The following PRKAG2 variants were observed in gnomAD, a reference collection of about 807,000 sequenced individuals.
PRKAG2 encodes the protein protein kinase AMP-activated non-catalytic subunit gamma 2, also known as 5'-AMP-activated protein kinase subunit gamma-2.
Under a neutral mutation model 69.6 loss-of-function variants are expected in PRKAG2, and 26 were observed. The ratio of observed to expected loss-of-function variants is 0.37; its 90% CI spans 0.27 to 0.52. PRKAG2 has a LOEUF of 0.52. PRKAG2 is among the 20% of genes least tolerant of loss of function. The pLI is 0.90. For synonymous variants in PRKAG2, 293 were observed against 285.0 expected (o/e 1.03, Z -0.28); for missense variants, 557 against 740.0 (o/e 0.75, Z 2.87).
At chr7:151,624,697 A>G (rs943600056) in intron 5 of PRKAG2, among the ~76,000 whole-genome samples, 6 of 152,074 alleles carry the variant, frequency 3.9e-5, no homozygotes, top group Admixed American at 2.0e-4. Context: ...CAGTTATTCA[A>G]CTGCAAACGT....
rs139040938 is a variant in PRKAG2, at chr7:151,829,557, C to T, written c.115-43016G>A. 1.7e-3 allele frequency among the ~76,000 whole-genome samples: 262 copies of T among 152,018 alleles called. 2 individuals carry two copies. The highest frequency in any genetic ancestry group is 5.4e-3 in the African/African-American group (223 of 41,504). Reference sequence around the variant, plus strand: ...AGAGAAATAAAAACGTATTTCCATACAGAAATTTGTACACAAATGTTTGTA... The same window carrying T: ...AGAGAAATAAAAACGTATTTCCATATAGAAATTTGTACACAAATGTTTGTA... On this transcript the variant is annotated intron_variant, in intron 1 of 15. Coordinates refer to ENST00000287878, the MANE Select transcript of PRKAG2 (RefSeq NM_016203.4).
intron 3 of PRKAG2, among the ~76,000 whole-genome samples, chr7:151,763,962 C>T (rs1475931710): frequency 3.3e-5 from 5 of 152,352 alleles, no homozygotes; most frequent in African/African-American, 1.2e-4. Context: ...CCTTGTGCGT[C>T]TCTACAGGAG....
Position 151,571,073 on chromosome 7 carries a change from A to ATTTT in PRKAG2, c.1052-852_1052-849dup, listed in dbSNP as rs549539764. On this transcript the variant is annotated intron_variant, in intron 9 of 15. Coordinates refer to ENST00000287878, the MANE Select transcript of PRKAG2 (RefSeq NM_016203.4). ...GGCATGAGGTCCTGTGCCCAGCCTAATTTTTTTTTTTTTTTTGAGAAGGAG... is the reference window on the plus strand; with the variant it reads ...GGCATGAGGTCCTGTGCCCAGCCTAATTTTTTTTTTTTTTTTTTTTGAGAAGGAG... Among the ~76,000 whole-genome samples the ATTTT allele has an allele frequency of 6.7e-3, 906 of 135,046 alleles. 9 individuals are homozygous for ATTTT. The highest frequency in any genetic ancestry group is 0.012 in the Middle Eastern group (3 of 260). The allele number at this position is 135,046 out of a possible 152,430, so 88.6% of individuals were successfully genotyped here.
In PRKAG2 at chr7:151,777,085, C is replaced by T. The variant is rs1015776835; in HGVS notation, c.466+4067G>A. On this transcript the variant is annotated intron_variant, in intron 3 of 15. Transcript: ENST00000287878. This position sits in a 1 kb window ranked among gnomAD's most constrained non-coding sequence, Gnocchi z 4.3. ...TCACTCTCTGACTCCACCTGCCTGT[C>T]TCGGCCCCTGGCTTTAAGGAAAGGG... 6.6e-6 allele frequency among the ~76,000 whole-genome samples: 1 copy of T among 152,196 alleles called. No homozygotes were observed. The highest frequency in any genetic ancestry group is 1.5e-5 in the Non-Finnish European group (1 of 68,030).
chr7:151,695,400 T>C (rs532737355), intron 3 of PRKAG2, among the ~76,000 whole-genome samples: 4 of 152,264 alleles, frequency 2.6e-5, no homozygotes, highest in African/African-American at 4.8e-5. Context: ...CTCAGGTGCA[T>C]TCTTTTGAGA....
chr7:151,660,729 T>A (rs1830189347), intron 4 of PRKAG2, among the ~76,000 whole-genome samples: 1 of 152,266 alleles, frequency 6.6e-6, no homozygotes, highest in African/African-American at 2.4e-5. Context: ...CTACATCTGT[T>A]ATCTGTCCAT....
rs2076651870 is a variant in PRKAG2 at position 151,781,236 on chromosome 7, G to A, written c.382C>T (p.Arg128Cys). ...PRRMSFSGIF[R>C]SSSKESSPNS... ...GGGGAAGACTCTTTGGAGGAGGAGC[G>A]GAAGATCCCACTGAAGCTCATGCGT... The change falls in exon 3 of 16, where the codon CGC becomes TGC. Residue 128 changes from arginine to cysteine, a missense_variant. Around this residue, in one of 2 missense-constraint regions of PRKAG2, gnomAD observed 352 missense variants for 356.7 expected, o/e 0.99. Coordinates refer to ENST00000287878, the MANE Select transcript of PRKAG2 (RefSeq NM_016203.4). The surrounding 1 kb of genome is among the most constrained non-coding windows in gnomAD (Gnocchi z 6.1). 3 of 1,613,956 alleles carry A rather than the reference G, an allele frequency of 1.9e-6. No homozygotes were observed. The highest frequency in any genetic ancestry group is 1.3e-5 in the African/African-American group (1 of 74,928).
chr7:151,870,706 C>A (rs1231052246), intron 1 of PRKAG2, among the ~76,000 whole-genome samples: 2 of 152,216 alleles, frequency 1.3e-5, no homozygotes, highest in Non-Finnish European at 2.9e-5. Flanking sequence ...CGGATAGAGG[C>A]TATGGGGCAG....
chr7:151,572,550 TA>T (rs1336185011), intron 9 of PRKAG2, 113 bp downstream of exon 9: 1 of 783,214 alleles, frequency 1.3e-6, no homozygotes, highest in African/African-American at 1.8e-5. Flanking sequence ...GAGAATGTTT[TA>T]TATAACATTT....
At chr7:151,663,874 C>T (rs1341835662) in intron 4 of PRKAG2, among the ~76,000 whole-genome samples, 1 of 152,224 alleles carries the variant, frequency 6.6e-6, no homozygotes, top group East Asian at 1.9e-4. Flanking sequence ...AGCTCTGGCA[C>T]AGATTAGTCA....
chr7:151,865,703 G>A (rs2080048139), intron 1 of PRKAG2, among the ~76,000 whole-genome samples: 1 of 152,228 alleles, frequency 6.6e-6, no homozygotes, highest in Non-Finnish European at 1.5e-5. Context: ...TGAGAAAGAA[G>A]AACCAGAGAC....
intron 3 of PRKAG2, among the ~76,000 whole-genome samples, chr7:151,698,710 T>C (rs1837140584): frequency 6.6e-6 from 1 of 152,116 alleles, no homozygotes; most frequent in African/African-American, 2.4e-5. Flanking sequence ...GAAATCAACC[T>C]CCTTTCTTCA....
chr7:151,759,462 G>A (rs1402177425), intron 3 of PRKAG2, among the ~76,000 whole-genome samples: 1 of 152,176 alleles, frequency 6.6e-6, no homozygotes, highest in African/African-American at 2.4e-5. Flanking sequence ...TCACTGCTGC[G>A]TTCCCAAGGG....
chr7:151,731,568 T>C (rs1210800262), intron 3 of PRKAG2, among the ~76,000 whole-genome samples: 1 of 151,998 alleles, frequency 6.6e-6, no homozygotes, highest in Non-Finnish European at 1.5e-5. Context: ...TGTGCGAGTG[T>C]GTATCTCTTG....
chr7:151,730,494 C>T (rs1490794611), intron 3 of PRKAG2, among the ~76,000 whole-genome samples: 2 of 152,062 alleles, frequency 1.3e-5, no homozygotes, highest in African/African-American at 2.4e-5. Flanking sequence ...AGGGAAACCC[C>T]GTCTCTTTTT....
At chr7:151,644,964 T>G (rs971247006) in intron 4 of PRKAG2, among the ~76,000 whole-genome samples, 3 of 152,214 alleles carry the variant, frequency 2.0e-5, no homozygotes, top group Admixed American at 1.3e-4. Context: ...GTAATTAATG[T>G]GTTTTCTTTT....
chr7:151,578,078 C>T (rs75666789), intron 6 of PRKAG2, among the ~76,000 whole-genome samples: 3,635 of 151,488 alleles, frequency 0.024, 131 homozygotes, highest in East Asian at 0.17. Flanking sequence ...CAGTGGCCCA[C>T]GCCTGTAATC....
chr7:151,737,344 T>TAAAAAA lies in PRKAG2; in HGVS notation c.466+43802_466+43807dup, dbSNP rs576477445. Among the ~76,000 whole-genome samples the TAAAAAA allele has an allele frequency of 4.1e-4, 59 of 143,234 alleles. 1 individual carries two copies. The highest frequency in any genetic ancestry group is 1.5e-3 in the African/African-American group (56 of 38,034). The allele number at this position is 143,234 out of a possible 152,430, so 94.0% of individuals were successfully genotyped here. ...AACACAGTGAGACCCCCATCTCTAT[T>TAAAAAA]AAAAAAAAAAAAAGAGAGATTTAGC... On this transcript the variant is annotated intron_variant, in intron 3 of 15. Coordinates refer to ENST00000287878, the MANE Select transcript of PRKAG2 (RefSeq NM_016203.4).
chr7:151,720,808 A>G (rs1391809805), intron 3 of PRKAG2, among the ~76,000 whole-genome samples: 1 of 119,804 alleles, frequency 8.3e-6, no homozygotes, highest in Non-Finnish European at 1.7e-5. Context: ...AGAGAGGGCA[A>G]TGGAGGGTTT....
Sources: gnomAD v4.1 joint callset for allele counts (sites outside exome capture counted in the v4.1 genomes callset) on GRCh38, gnomAD v4.1.1 for gene constraint, gnomAD v4.1.1 regional missense constraint, Gnocchi (gnomAD v3.1) non-coding constraint, MANE v1.5 for transcripts, NCBI Gene and HGNC (gene_info 2026-07-23, HGNC 2026-07-21) for gene names.